The following SDK1 variants were observed in gnomAD, a reference collection of about 807,000 sequenced individuals.
SDK1 encodes the protein sidekick cell adhesion molecule 1.
Under a neutral mutation model 245.5 loss-of-function variants are expected in SDK1, and 157 were observed. That is an observed-to-expected ratio of 0.64 (90% CI 0.56 to 0.73). The LOEUF is 0.73. Ranked by LOEUF, SDK1 falls within the 30% of genes least tolerant of loss-of-function variation. SDK1 has a pLI of 0.00. For missense variants in SDK1, 3,583 were observed against 3,002.3 expected (o/e 1.19, Z -4.52); for synonymous variants, 1,647 against 1,278.5 (o/e 1.29, Z -6.15).
At chr7:3,658,381 G>C (rs1361953425) in intron 4 of SDK1, among the ~76,000 whole-genome samples, 1 of 152,080 alleles carries the variant, frequency 6.6e-6, no homozygotes, top group African/African-American at 2.4e-5. Flanking sequence ...CACTGTGCTA[G>C]GCTCTGCGGA....
intron 5 of SDK1, among the ~76,000 whole-genome samples, chr7:3,866,011 G>C (rs755027002): frequency 6.6e-6 from 1 of 152,212 alleles, no homozygotes; most frequent in South Asian, 2.1e-4. Context: ...ATGGGGATGC[G>C]AAGGATGAGA....
chr7:4,222,296 CTTT>C (rs933594834), intron 40 of SDK1, among the ~76,000 whole-genome samples: 1 of 152,118 alleles, frequency 6.6e-6, no homozygotes, highest in Non-Finnish European at 1.5e-5. Context: ...CTAGAAACTT[CTTT>C]ATTTTATTTT....
At chr7:3,560,201 T>C (rs942053740) in intron 1 of SDK1, among the ~76,000 whole-genome samples, 20 of 152,392 alleles carry the variant, frequency 1.3e-4, no homozygotes, top group Admixed American at 1.3e-3. Flanking sequence ...CTGTTTATCT[T>C]GAATACCCTA....
intron 5 of SDK1, among the ~76,000 whole-genome samples, chr7:3,881,379 TTTCTGAATATAACGTCTTCCAGCTCC>T (rs371622533): frequency 1.0e-3 from 153 of 152,296 alleles, no homozygotes; most frequent in African/African-American, 3.6e-3. Flanking sequence ...CTGCGTTGGT[TTTCTGAATATAACGTCTTCCAGCTCC>T]TTCTGCGTCC....
At chr7:3,845,513 G>C (rs1404563732) in intron 5 of SDK1, among the ~76,000 whole-genome samples, 1 of 116,216 alleles carries the variant, frequency 8.6e-6, no homozygotes, top group African/African-American at 4.0e-5. Flanking sequence ...AAAAAAAAAA[G>C]GCCCTAGAGA....
chr7:3,534,592 G>A (rs1309787815), intron 1 of SDK1, among the ~76,000 whole-genome samples: 1 of 151,938 alleles, frequency 6.6e-6, no homozygotes, highest in Non-Finnish European at 1.5e-5. Context: ...AGGTGGTGTT[G>A]CACTGTGGCT....
intron 1 of SDK1, among the ~76,000 whole-genome samples, chr7:3,415,694 A>G (rs1246316506): frequency 6.7e-6 from 1 of 149,784 alleles, no homozygotes; most frequent in Non-Finnish European, 1.5e-5. Flanking sequence ...TTTCCTTACC[A>G]TATATTTATA....
intron 1 of SDK1, among the ~76,000 whole-genome samples, chr7:3,524,238 CATT>C (rs2128615681): frequency 6.6e-6 from 1 of 152,242 alleles, no homozygotes; most frequent in East Asian, 1.9e-4. Context: ...CTTTCTAAAA[CATT>C]ATTTGGAGTC....
intron 1 of SDK1, among the ~76,000 whole-genome samples, chr7:3,404,665 C>T (rs1779003676): frequency 6.6e-6 from 1 of 152,200 alleles, no homozygotes. Flanking sequence ...AGTCTTTTTG[C>T]ATGACTGAAG....
intron 1 of SDK1, among the ~76,000 whole-genome samples, chr7:3,483,242 C>G (rs1460880738): frequency 6.6e-6 from 1 of 152,134 alleles, no homozygotes; most frequent in Non-Finnish European, 1.5e-5. Context: ...TAGAGTATAT[C>G]TTTTAGTTTA....
At position 4,267,859 on chromosome 7, in the gene SDK1, G is replaced by A. The variant is rs985847511; in HGVS notation, c.*2475G>A. ...GCTGCTGGACTGTGCTTAGGACAGCGCCCATGCCTCGGAGGGACTCTGTCC... is the reference window on the plus strand; with the variant it reads ...GCTGCTGGACTGTGCTTAGGACAGCACCCATGCCTCGGAGGGACTCTGTCC... On this transcript the variant is annotated 3_prime_UTR_variant, in exon 45 of 45. Transcript: ENST00000404826. 1.3e-5 allele frequency: 13 copies of A among 985,432 alleles called. No individual in the cohort carries two copies. The highest frequency in any genetic ancestry group is 1.0e-4 in the African/African-American group (6 of 57,242). 61.0% of individuals were successfully genotyped at this position (985,432 alleles called of 1,614,324 possible).
At chr7:4,149,189 G>C (rs774141007) in intron 29 of SDK1, 73 bp from the exon 30 acceptor site, 1 of 1,284,072 alleles carries the variant, frequency 7.8e-7, no homozygotes, top group Non-Finnish European at 1.0e-6. Flanking sequence ...GTACAGCAGC[G>C]TAGCCTCCTG....
intron 14 of SDK1, among the ~76,000 whole-genome samples, chr7:4,000,194 C>T (rs759497521): frequency 1.1e-4 from 16 of 152,288 alleles, no homozygotes; most frequent in African/African-American, 3.4e-4. Context: ...CTGAGGAAAC[C>T]GGTCTGGGAA....
At chr7:4,036,352 G>A (rs1788219454) in intron 17 of SDK1, among the ~76,000 whole-genome samples, 1 of 152,122 alleles carries the variant, frequency 6.6e-6, no homozygotes, top group Non-Finnish European at 1.5e-5. Context: ...TCGTGTAAAT[G>A]GATTTGGAAT....
intron 1 of SDK1, among the ~76,000 whole-genome samples, chr7:3,418,793 T>G (rs976326618): frequency 3.3e-5 from 5 of 152,200 alleles, no homozygotes; most frequent in Non-Finnish European, 7.3e-5. Context: ...AAGTTGACTA[T>G]TCTCAGCACT....
chr7:3,491,573 A>G (rs1023094636), intron 1 of SDK1, among the ~76,000 whole-genome samples: 1 of 152,188 alleles, frequency 6.6e-6, no homozygotes, highest in African/African-American at 2.4e-5. Context: ...TATAGAAATT[A>G]CCTATTTTGC....
chr7:3,774,814 G>A (rs1193449149), intron 4 of SDK1, among the ~76,000 whole-genome samples: 11 of 152,156 alleles, frequency 7.2e-5, no homozygotes, highest in Admixed American at 7.2e-4. Flanking sequence ...TAAATTTTTG[G>A]TATTATTATC....
chr7:3,796,474 C>G (rs557112733), intron 4 of SDK1, among the ~76,000 whole-genome samples: 1 of 152,218 alleles, frequency 6.6e-6, no homozygotes, highest in Non-Finnish European at 1.5e-5. Context: ...CCTGCACATT[C>G]CCTGCCCAGA....
intron 4 of SDK1, among the ~76,000 whole-genome samples, chr7:3,646,839 T>G (rs1246086249): frequency 6.6e-6 from 1 of 152,118 alleles, no homozygotes; most frequent in African/African-American, 2.4e-5. Flanking sequence ...TATGTTTAAT[T>G]AAAAATAGGT....
Sources: allele counts gnomAD v4.1 joint callset (sites outside exome capture counted in the v4.1 genomes callset), GRCh38; gene constraint gnomAD v4.1.1; transcripts MANE v1.5; gene names NCBI Gene and HGNC (gene_info 2026-07-23, HGNC 2026-07-21).